Variants in ARHGAP10 observed in about 807,000 individuals in gnomAD.
ARHGAP10 encodes rho GTPase-activating protein 10.
ARHGAP10 carries 87 observed loss-of-function variants against 108.6 expected under a neutral mutation model. The observed-to-expected ratio is 0.80, with a 90% CI of 0.67 to 0.96. The LOEUF (loss-of-function observed/expected upper bound fraction) is 0.96. Ranked by LOEUF, ARHGAP10 falls within the 40% of genes least tolerant of loss-of-function variation. ARHGAP10 has a pLI of 0.00. For missense variants in ARHGAP10, 939 were observed against 954.5 expected (o/e 0.98, Z 0.21); for synonymous variants, 347 against 341.1 (o/e 1.02, Z -0.19).
chr4:147,817,709 T>G (rs1732313748), intron 1 of ARHGAP10, among the ~76,000 whole-genome samples: 1 of 152,184 alleles, frequency 6.6e-6, no homozygotes, highest in African/African-American at 2.4e-5. Flanking sequence ...AAGTGGCAAG[T>G]TCATTTGAAG....
At chr4:147,767,085 A>C (rs1258297122) in intron 1 of ARHGAP10, among the ~76,000 whole-genome samples, 1 of 151,874 alleles carries the variant, frequency 6.6e-6, no homozygotes, top group Non-Finnish European at 1.5e-5. Context: ...TCTTGACCTC[A>C]AGCAATCCAC....
chr4:147,969,554 C>T (rs1739329271), intron 18 of ARHGAP10, among the ~76,000 whole-genome samples: 1 of 152,096 alleles, frequency 6.6e-6, no homozygotes, highest in Admixed American at 6.6e-5. Flanking sequence ...AACCTTTATG[C>T]AATTTATTTG....
At position 148,024,726 on chromosome 4, in the gene ARHGAP10, T is replaced by A. The variant is rs573710683; in HGVS notation, c.1867+1313T>A. 2.0e-5 allele frequency among the ~76,000 whole-genome samples: 3 copies of A among 152,362 alleles called. No individual in the cohort carries two copies. The South Asian group carries it at 6.2e-4, about 32-fold the overall frequency. ...ATTTCAACTTCTGATCCTAGCTAAC[T>A]TTTTTATTCTGTCTCTTTCTTACGT... On this transcript the variant is annotated intron_variant, in intron 19 of 22. Coordinates refer to ENST00000336498, the MANE Select transcript of ARHGAP10 (RefSeq NM_024605.4).
chr4:147,884,471 C>T (rs1372660903), intron 10 of ARHGAP10, among the ~76,000 whole-genome samples: 4 of 152,142 alleles, frequency 2.6e-5, no homozygotes, highest in Non-Finnish European at 5.9e-5. Flanking sequence ...AAAGTGGGTT[C>T]CCTTATTAAA....
At chr4:147,995,009 C>T (rs923365728) in intron 18 of ARHGAP10, among the ~76,000 whole-genome samples, 2 of 152,148 alleles carry the variant, frequency 1.3e-5, no homozygotes, top group Admixed American at 6.5e-5. Flanking sequence ...CTGTGGTTCC[C>T]GCAGAACTGT....
At position 148,010,260 on chromosome 4, in the gene ARHGAP10, C is replaced by T. The variant is rs193300221; in HGVS notation, c.1717-13003C>T. On this transcript the variant is annotated intron_variant, in intron 18 of 22. Coordinates refer to ENST00000336498, the MANE Select transcript of ARHGAP10 (RefSeq NM_024605.4). Reference sequence around the variant, plus strand: ...TCTGGTGCACCCCTTTTAGCTGGATCAGGAGACTGAGCTATAGAGAAGTTA... The same window carrying T: ...TCTGGTGCACCCCTTTTAGCTGGATTAGGAGACTGAGCTATAGAGAAGTTA... 3.5e-3 allele frequency among the ~76,000 whole-genome samples: 536 copies of T among 152,232 alleles called. 3 individuals are homozygous for T. Among genetic ancestry groups the T allele is most frequent in the African/African-American group, 0.013 (521 of 41,542 alleles).
At chr4:147,979,703 A>G (rs974223605) in intron 18 of ARHGAP10, among the ~76,000 whole-genome samples, 3 of 152,020 alleles carry the variant, frequency 2.0e-5, no homozygotes, top group African/African-American at 7.3e-5. Flanking sequence ...ATTGTCTGTG[A>G]TATCTTTCAG....
intron 1 of ARHGAP10, among the ~76,000 whole-genome samples, chr4:147,767,025 A>G (rs1398778543): frequency 6.6e-6 from 1 of 151,042 alleles, no homozygotes; most frequent in Non-Finnish European, 1.5e-5. Context: ...AGTTTTTTGT[A>G]TTTCTAGTAG....
chr4:147,855,120 G>A (rs1342802393), intron 4 of ARHGAP10, among the ~76,000 whole-genome samples: 1 of 152,222 alleles, frequency 6.6e-6, no homozygotes, highest in Non-Finnish European at 1.5e-5. Flanking sequence ...ATGTGACCTT[G>A]CTTTGCAGCA....
chr4:148,049,342 C>G (rs1036121607), intron 20 of ARHGAP10, among the ~76,000 whole-genome samples: 1 of 152,206 alleles, frequency 6.6e-6, no homozygotes, highest in Admixed American at 6.5e-5. Context: ...TGCTCCTTGC[C>G]TGCCTCCAGG....
chr4:147,779,457 A>G (rs577170704), intron 1 of ARHGAP10, among the ~76,000 whole-genome samples: 1 of 152,082 alleles, frequency 6.6e-6, no homozygotes, highest in Admixed American at 6.5e-5. Context: ...AATTTGGTAG[A>G]TGGGGAAGGG....
intron 6 of ARHGAP10, 89 bp downstream of exon 6, chr4:147,865,045 C>T: frequency 8.7e-7 from 1 of 1,144,574 alleles, no homozygotes; most frequent in South Asian, 1.5e-5. Flanking sequence ...TTTATAGTTA[C>T]TAGAGGCCAT....
At chr4:148,051,791 A>C (rs1321335174) in intron 20 of ARHGAP10, among the ~76,000 whole-genome samples, 2 of 152,180 alleles carry the variant, frequency 1.3e-5, no homozygotes, top group African/African-American at 4.8e-5. Flanking sequence ...AGTTATTTAA[A>C]ATCACTAGAT....
intron 1 of ARHGAP10, among the ~76,000 whole-genome samples, chr4:147,770,150 G>T (rs58111026): frequency 0.01 from 1,588 of 152,276 alleles, 22 homozygotes; most frequent in African/African-American, 0.035. Context: ...TATGAATGTT[G>T]TAATTGGAGA....
chr4:147,822,796 C>A lies in ARHGAP10; in HGVS notation c.224C>A (p.Ala75Asp). The change falls in exon 2 of 23, where the codon GCT becomes GAT. Residue 75 changes from alanine to aspartate, a missense_variant. Physicochemically the swap from Ala to Asp is moderately radical, Grantham distance 126. Coordinates refer to ENST00000336498, the MANE Select transcript of ARHGAP10 (RefSeq NM_024605.4). Reference protein sequence around the residue: ...RDFKFEFIGDAVTDDERCIDA... With the variant: ...RDFKFEFIGDDVTDDERCIDA... The stretch of plus-strand genomic sequence containing the variant: ...TTTAAGTTTGAGTTTATCGGTGATG[C>A]TGTGACAGATGATGAACGATGCATA... 1.2e-6 allele frequency: 2 copies of A among 1,614,206 alleles called. No homozygotes were observed. Among genetic ancestry groups the A allele is most frequent in the Non-Finnish European group, 1.7e-6 (2 of 1,180,044 alleles).
At chr4:147,815,169 G>A (rs532735312) in intron 1 of ARHGAP10, among the ~76,000 whole-genome samples, 9 of 152,118 alleles carry the variant, frequency 5.9e-5, no homozygotes, top group Admixed American at 2.0e-4. Context: ...CCCTGCTGCC[G>A]CCCTTGTCCA....
chr4:147,926,669 G>T (rs1181206710), intron 13 of ARHGAP10, among the ~76,000 whole-genome samples: 2 of 152,192 alleles, frequency 1.3e-5, no homozygotes, highest in East Asian at 1.9e-4. Flanking sequence ...GAAAAGGACA[G>T]AATCTTTGTG....
intron 10 of ARHGAP10, among the ~76,000 whole-genome samples, chr4:147,893,805 T>A: frequency 6.6e-6 from 1 of 152,004 alleles, no homozygotes; most frequent in East Asian, 1.9e-4. Context: ...TTTAACAGAA[T>A]TTTAGTGGAA....
intron 20 of ARHGAP10, among the ~76,000 whole-genome samples, chr4:148,061,642 T>G (rs1328591760): frequency 2.0e-5 from 3 of 152,146 alleles, no homozygotes; most frequent in Non-Finnish European, 4.4e-5. Context: ...CCCCCTTTTT[T>G]TCCTGACCAA....
Sources: allele counts gnomAD v4.1 joint callset (sites outside exome capture counted in the v4.1 genomes callset), GRCh38; gene constraint gnomAD v4.1.1; transcripts MANE v1.5; gene names NCBI Gene and HGNC (gene_info 2026-07-23, HGNC 2026-07-21).